NEBL: variants seen among roughly 807,000 people sequenced by gnomAD.
NEBL encodes LIM and SH3 protein 2.
In NEBL, 122 loss-of-function variants were observed where a neutral mutation model predicts 140.2. The ratio of observed to expected loss-of-function variants is 0.87; its 90% CI spans 0.75 to 1.01. The LOEUF (loss-of-function observed/expected upper bound fraction) is 1.01. NEBL is among the 50% of genes least tolerant of loss of function. The probability of loss-of-function intolerance (pLI) is 0.00; values close to 1 mark genes in which losing one functional copy is unlikely to be tolerated. For missense variants in NEBL, 1,365 were observed against 1,231.3 expected (o/e 1.11, Z -1.62); for synonymous variants, 436 against 398.9 (o/e 1.09, Z -1.11).
At chr10:21,093,785 T>G (rs1273033380) in intron 2 of NEBL, among the ~76,000 whole-genome samples, 31 of 152,322 alleles carry the variant, frequency 2.0e-4, no homozygotes, top group Non-Finnish European at 2.9e-5. Context: ...CGTAAACAAA[T>G]CAATACATTT....
chr10:20,996,776 T>C (rs930034463), intron 3 of NEBL, among the ~76,000 whole-genome samples: 1 of 152,226 alleles, frequency 6.6e-6, no homozygotes, highest in Non-Finnish European at 1.5e-5. Context: ...ATTTTTGATA[T>C]CCCTCAATAT....
intron 2 of NEBL, among the ~76,000 whole-genome samples, chr10:21,031,463 G>A (rs1018195905): frequency 2.0e-5 from 3 of 152,206 alleles, no homozygotes; most frequent in Non-Finnish European, 2.9e-5. Context: ...TATTCCTGCC[G>A]CGATGGGAGG....
intron 1 of NEBL, among the ~76,000 whole-genome samples, chr10:21,278,557 C>CA (rs1349091988): frequency 6.6e-6 from 1 of 152,170 alleles, no homozygotes; most frequent in African/African-American, 2.4e-5. Context: ...CATCATGGGT[C>CA]AATGAGGGAG....
chr10:20,933,193 A>C (rs957162651), intron 4 of NEBL, among the ~76,000 whole-genome samples: 1 of 152,216 alleles, frequency 6.6e-6, no homozygotes, highest in Non-Finnish European at 1.5e-5. Context: ...CACCATTTGC[A>C]TCAGTCCCTC....
intron 2 of NEBL, among the ~76,000 whole-genome samples, chr10:21,057,250 C>A (rs1564495498): frequency 6.6e-6 from 1 of 151,964 alleles, no homozygotes; most frequent in South Asian, 2.1e-4. Context: ...GGAGAACAGT[C>A]TCCCGGGAAG....
intron 1 of NEBL, among the ~76,000 whole-genome samples, chr10:21,253,668 C>T (rs1358102999): frequency 1.3e-5 from 2 of 151,626 alleles, no homozygotes; most frequent in African/African-American, 4.9e-5. Flanking sequence ...CTCAGCCTCC[C>T]GAGTAGCTGG....
At chr10:21,021,998 C>T (rs571621832) in intron 2 of NEBL, among the ~76,000 whole-genome samples, 12 of 152,258 alleles carry the variant, frequency 7.9e-5, no homozygotes, top group Non-Finnish European at 1.2e-4. Context: ...AAACATTCAG[C>T]GGCCTCTTAT....
rs199817316 is a variant in NEBL at position 21,054,719 on chromosome 10, C to A, written c.165-34518G>T. ...ACTTATGAAAATGCCAAGCTCTGCC[C>A]GAGATCCCTATTAATGTCATTCAAA... On this transcript the variant is annotated intron_variant, in intron 2 of 6. Transcript: ENST00000417816. Among the ~76,000 whole-genome samples, 4 of 152,056 alleles carry A rather than the reference C, an allele frequency of 2.6e-5. No homozygotes were observed. In the East Asian group the frequency reaches 7.7e-4, roughly 29 times the overall value.
chr10:21,271,104 G>A (rs1842855138), intron 1 of NEBL, among the ~76,000 whole-genome samples: 1 of 152,108 alleles, frequency 6.6e-6, no homozygotes. Flanking sequence ...AAACAACATA[G>A]AAGTCCATAG....
At chr10:21,174,050 T>A in exon 1 of NEBL, 2 of 1,122,290 alleles carry the variant, frequency 1.8e-6, no homozygotes, top group Non-Finnish European at 2.2e-6. Context: ...TCGCAGGCGC[T>A]GGGTCTCGGC....
intron 2 of NEBL, among the ~76,000 whole-genome samples, chr10:21,067,195 T>G (rs1213479549): frequency 6.6e-6 from 1 of 151,970 alleles, no homozygotes; most frequent in Non-Finnish European, 1.5e-5. Flanking sequence ...ATGGTCTCGA[T>G]CTCCTGACCT....
rs1042753914 is a variant in NEBL, at chr10:20,781,216, T to C, written c.*4531A>G. ...AACAATTTGCATAACAAAAGCCAAATTATATTAGTAACATTGTAACATTCC... is the reference window on the plus strand; with the variant it reads ...AACAATTTGCATAACAAAAGCCAAACTATATTAGTAACATTGTAACATTCC... On this transcript the variant is annotated 3_prime_UTR_variant, in exon 28 of 28. Transcript: ENST00000377122. The C allele has an allele frequency of 6.6e-6, 1 of 152,638 alleles. No individual in the cohort carries two copies. The highest frequency in any genetic ancestry group is 1.5e-5 in the Non-Finnish European group (1 of 68,038). 9.5% of individuals were successfully genotyped at this position (152,638 alleles called of 1,614,324 possible).
intron 3 of NEBL, among the ~76,000 whole-genome samples, chr10:20,981,930 T>C (rs888561540): frequency 3.3e-5 from 5 of 152,278 alleles, no homozygotes; most frequent in African/African-American, 9.6e-5. Flanking sequence ...CCAATGACAA[T>C]TGGAGTTGAG....
chr10:20,961,897 G>A lies in NEBL; in HGVS notation c.250-118C>T, dbSNP rs898017019. ...ATGGCTAAAAACACAGATCTCAGCC[G>A]GAGGTGCAGTTAAGAACCAGAAGGA... On this transcript the variant is annotated intron_variant, in intron 3 of 6. Coordinates refer to the NEBL transcript ENST00000417816. The A allele has an allele frequency of 1.7e-5, 13 of 752,850 alleles. No individual in the cohort carries two copies. In the East Asian group the frequency reaches 1.8e-4, roughly 11 times the overall value. The allele number at this position is 752,850 out of a possible 1,614,324, so 46.6% of individuals were successfully genotyped here.
At chr10:20,991,120 A>G (rs1837439039) in intron 3 of NEBL, among the ~76,000 whole-genome samples, 1 of 152,164 alleles carries the variant, frequency 6.6e-6, no homozygotes, top group Non-Finnish European at 1.5e-5. Flanking sequence ...ATATTTCCAC[A>G]TTGGTTCATT....
At chr10:20,830,831 G>A (rs1265444744) in intron 16 of NEBL, among the ~76,000 whole-genome samples, 3 of 148,378 alleles carry the variant, frequency 2.0e-5, no homozygotes, top group African/African-American at 7.4e-5. Context: ...TTGAGCCCAG[G>A]AGTTTGAGGC....
chr10:21,026,741 C>T (rs1316048546), intron 2 of NEBL, among the ~76,000 whole-genome samples: 1 of 152,168 alleles, frequency 6.6e-6, no homozygotes, highest in Non-Finnish European at 1.5e-5. Flanking sequence ...GGCAGGGCTG[C>T]CTGCTAGCAT....
intron 3 of NEBL, among the ~76,000 whole-genome samples, chr10:21,231,722 G>T (rs1053854165): frequency 2.6e-5 from 4 of 152,102 alleles, no homozygotes; most frequent in African/African-American, 9.7e-5. Context: ...AAGCCCCGAG[G>T]CAAAACGAAT....
intron 4 of NEBL, among the ~76,000 whole-genome samples, chr10:20,924,906 A>G (rs1234569457): frequency 1.3e-5 from 2 of 152,094 alleles, no homozygotes; most frequent in Non-Finnish European, 2.9e-5. Context: ...ACTTGGAAGA[A>G]CAAAGGACAA....
Sources: gnomAD v4.1 joint callset for allele counts (sites outside exome capture counted in the v4.1 genomes callset) on GRCh38, gnomAD v4.1.1 for gene constraint, MANE v1.5 for transcripts, NCBI Gene and HGNC (gene_info 2026-07-23, HGNC 2026-07-21) for gene names.